GPC6: variants seen among roughly 807,000 people sequenced by gnomAD.
The protein encoded by GPC6 is glypican 6.
A neutral mutation model predicts 55.2 loss-of-function variants in GPC6; 14 were observed. The ratio of observed to expected loss-of-function variants is 0.25; its 90% CI spans 0.17 to 0.40. The LOEUF (loss-of-function observed/expected upper bound fraction) is 0.40. Ranked by LOEUF, GPC6 falls within the 10% of genes least tolerant of loss-of-function variation. The pLI is 1.00. For missense variants in GPC6, 641 were observed against 708.5 expected, an observed-to-expected ratio of 0.90 and a Z score of 1.08; for synonymous variants, 278 against 259.6, an observed-to-expected ratio of 1.07 and a Z score of -0.68.
At chr13:94,312,718 A>G (rs1383914405) in intron 6 of GPC6, among the ~76,000 whole-genome samples, 1 of 143,328 alleles carries the variant, frequency 7.0e-6, no homozygotes, top group African/African-American at 2.9e-5. Flanking sequence ...GCACACGCGC[A>G]CGCACACACA....
intron 4 of GPC6, among the ~76,000 whole-genome samples, chr13:94,080,390 AC>A (rs1286230893): frequency 5.3e-5 from 8 of 151,794 alleles, no homozygotes; most frequent in African/African-American, 1.9e-4. Context: ...AATACATAAC[AC>A]AGAGAGATCT....
intron 4 of GPC6, among the ~76,000 whole-genome samples, chr13:94,225,545 C>T (rs566750088): frequency 1.3e-5 from 2 of 152,044 alleles, no homozygotes; most frequent in East Asian, 1.9e-4. Context: ...TTGAAATCCA[C>T]GCAGTGTTTA....
intron 2 of GPC6, among the ~76,000 whole-genome samples, chr13:93,787,943 GA>G (rs1207809930): frequency 1.3e-5 from 2 of 152,148 alleles, no homozygotes; most frequent in African/African-American, 4.8e-5. Flanking sequence ...TTGCAGAAGT[GA>G]AATGGATATG....
intron 3 of GPC6, among the ~76,000 whole-genome samples, chr13:93,944,134 A>G (rs1057351402): frequency 6.6e-5 from 10 of 152,078 alleles, no homozygotes; most frequent in East Asian, 1.9e-4. Context: ...AGTCAAGTCT[A>G]TATAAGCTGA....
intron 3 of GPC6, among the ~76,000 whole-genome samples, chr13:94,018,708 G>C (rs1882581699): frequency 1.3e-5 from 2 of 152,132 alleles, no homozygotes; most frequent in South Asian, 4.1e-4. Flanking sequence ...CCCCAGCCGT[G>C]GACTGTGGCC....
intron 1 of GPC6, among the ~76,000 whole-genome samples, chr13:93,345,228 T>C (rs951852932): frequency 6.6e-6 from 1 of 152,014 alleles, no homozygotes; most frequent in Admixed American, 6.6e-5. Flanking sequence ...AAAAGCCCTT[T>C]AGTCTCTCTG....
chr13:94,189,417 T>C (rs192217668), intron 4 of GPC6, among the ~76,000 whole-genome samples: 131 of 152,220 alleles, frequency 8.6e-4, no homozygotes, highest in Admixed American at 3.6e-3. Context: ...GAGGGAGGCA[T>C]GCTCCCCACC....
In GPC6 at chr13:93,405,037, G is replaced by T. The variant is rs554867193; in HGVS notation, c.161-140226G>T. 7.2e-5 allele frequency among the ~76,000 whole-genome samples: 11 copies of T among 152,240 alleles called. No homozygotes were observed. The South Asian group carries it at 1.9e-3, about 26-fold the overall frequency. Reference sequence around the variant, plus strand: ...CTATTCTATTTAAATTTCAGCGTGGGTATGATTATTCTTTTTTAATCAGTT... The same window carrying T: ...CTATTCTATTTAAATTTCAGCGTGGTTATGATTATTCTTTTTTAATCAGTT... On this transcript the variant is annotated intron_variant, in intron 1 of 8. Transcript: ENST00000377047.
intron 7 of GPC6, among the ~76,000 whole-genome samples, chr13:94,384,233 C>T (rs1449938359): frequency 5.3e-5 from 8 of 152,200 alleles, no homozygotes; most frequent in Non-Finnish European, 1.0e-4. Flanking sequence ...ATATTAACAA[C>T]ATGCCACTAA....
chr13:93,499,270 T>G (rs1486540950), intron 1 of GPC6, among the ~76,000 whole-genome samples: 1 of 152,194 alleles, frequency 6.6e-6, no homozygotes, highest in Non-Finnish European at 1.5e-5. Context: ...AGAGTTTGTT[T>G]CCACATCTGC....
At chr13:94,140,879 T>C (rs1048564990) in intron 4 of GPC6, among the ~76,000 whole-genome samples, 11 of 151,958 alleles carry the variant, frequency 7.2e-5, no homozygotes, top group Non-Finnish European at 1.2e-4. Flanking sequence ...AAAGGACAAA[T>C]AACAAAGCTA....
rs78144807 is a variant in GPC6, at chr13:93,900,478, A to G, written c.711+69933A>G. On this transcript the variant is annotated intron_variant, in intron 3 of 8. Coordinates refer to ENST00000377047, the MANE Select transcript of GPC6 (RefSeq NM_005708.5). Reference sequence around the variant, plus strand: ...GTAACACAATTGTATCTTTGAATGAAAACATACATATGTTGTCTTGACCCC... The same window carrying G: ...GTAACACAATTGTATCTTTGAATGAGAACATACATATGTTGTCTTGACCCC... 5.1e-3 allele frequency among the ~76,000 whole-genome samples: 783 copies of G among 152,284 alleles called. 7 individuals are homozygous for G. Among genetic ancestry groups the G allele is most frequent in the Middle Eastern group, 0.031 (9 of 292 alleles).
At chr13:93,941,566 T>C (rs1878738832) in intron 3 of GPC6, among the ~76,000 whole-genome samples, 1 of 152,186 alleles carries the variant, frequency 6.6e-6, no homozygotes. Context: ...ATTTATATTT[T>C]CAAAAGCTTG....
intron 2 of GPC6, among the ~76,000 whole-genome samples, chr13:93,779,967 C>CT (rs928446281): frequency 2.8e-4 from 43 of 152,214 alleles, no homozygotes; most frequent in African/African-American, 9.9e-4. Context: ...TGAGGACATT[C>CT]TTTTTTTCCT....
At chr13:93,387,654 C>T (rs550413052) in intron 1 of GPC6, among the ~76,000 whole-genome samples, 15 of 152,226 alleles carry the variant, frequency 9.9e-5, no homozygotes, top group East Asian at 3.9e-4. Context: ...AATTACCAAA[C>T]GATCTCTATA....
At chr13:93,559,731 A>G (rs1037403435) in intron 2 of GPC6, among the ~76,000 whole-genome samples, 4 of 152,242 alleles carry the variant, frequency 2.6e-5, no homozygotes, top group African/African-American at 7.2e-5. Flanking sequence ...TAGAAAATGC[A>G]TAATTCTTAA....
intron 1 of GPC6, among the ~76,000 whole-genome samples, chr13:93,314,849 G>A (rs1248855603): frequency 3.3e-5 from 5 of 152,026 alleles, no homozygotes; most frequent in Admixed American, 6.6e-5. Flanking sequence ...AAATTGCAAA[G>A]CCAAAGGATT....
intron 4 of GPC6, among the ~76,000 whole-genome samples, chr13:94,157,085 C>T (rs1004793637): frequency 3.9e-5 from 6 of 152,182 alleles, no homozygotes; most frequent in East Asian, 3.9e-4. Flanking sequence ...GTTAAGCAAA[C>T]GAAAAAGATC....
intron 4 of GPC6, among the ~76,000 whole-genome samples, chr13:94,067,274 G>A (rs1411243267): frequency 6.6e-6 from 1 of 152,090 alleles, no homozygotes; most frequent in African/African-American, 2.4e-5. Context: ...ATAAAATTGT[G>A]GATTAGAAGT....
Sources: allele counts gnomAD v4.1 joint callset (sites outside exome capture counted in the v4.1 genomes callset), GRCh38; gene constraint gnomAD v4.1.1; transcripts MANE v1.5; gene names NCBI Gene and HGNC (gene_info 2026-07-23, HGNC 2026-07-21).